TAFA2: variants seen among roughly 807,000 people sequenced by gnomAD.
The protein encoded by TAFA2 is chemokine-like protein TAFA-2.
In TAFA2, 7 loss-of-function variants were observed where a neutral mutation model predicts 18.8. The observed-to-expected ratio is 0.37, with a 90% CI of 0.21 to 0.70. TAFA2 has a LOEUF of 0.70. Ranked by LOEUF, TAFA2 falls within the 30% of genes least tolerant of loss-of-function variation. The probability of loss-of-function intolerance (pLI) is 0.53; values close to 1 mark genes in which losing one functional copy is unlikely to be tolerated. For missense variants in TAFA2, 122 were observed against 158.1 expected (o/e 0.77, Z 1.23); for synonymous variants, 60 against 54.2 (o/e 1.11, Z -0.47).
At chr12:61,804,491 G>A (rs1215278631) in intron 2 of TAFA2, among the ~76,000 whole-genome samples, 1 of 152,022 alleles carries the variant, frequency 6.6e-6, no homozygotes, top group East Asian at 1.9e-4. Flanking sequence ...CCTACTGACA[G>A]ACAAGTATGT....
intron 1 of TAFA2, among the ~76,000 whole-genome samples, chr12:62,182,338 G>A (rs1228810568): frequency 1.3e-5 from 2 of 152,186 alleles, no homozygotes; most frequent in Non-Finnish European, 2.9e-5. Flanking sequence ...AAGAGCCTAT[G>A]AGAAAAATGT....
At chr12:61,842,228 G>A (rs576096422) in intron 2 of TAFA2, among the ~76,000 whole-genome samples, 3 of 151,722 alleles carry the variant, frequency 2.0e-5, no homozygotes, top group African/African-American at 7.2e-5. Context: ...ACAAAAATAT[G>A]GTATATGGTA....
intron 1 of TAFA2, among the ~76,000 whole-genome samples, chr12:62,138,565 G>A (rs181110895): frequency 7.4e-4 from 113 of 152,262 alleles, no homozygotes; most frequent in Non-Finnish European, 1.5e-4. Context: ...TAAATAAATG[G>A]TCACTGGCAC....
intron 1 of TAFA2, among the ~76,000 whole-genome samples, chr12:62,098,040 C>A (rs1444520408): frequency 6.6e-6 from 1 of 152,094 alleles, no homozygotes; most frequent in African/African-American, 2.4e-5. Context: ...TACTTATCAG[C>A]AAGAATTTCC....
At chr12:61,748,704 T>G (rs1868854892) in intron 4 of TAFA2, among the ~76,000 whole-genome samples, 1 of 152,074 alleles carries the variant, frequency 6.6e-6, no homozygotes, top group African/African-American at 2.4e-5. Context: ...ATTTCTTTTC[T>G]TCCTTACAGT....
intron 1 of TAFA2, among the ~76,000 whole-genome samples, chr12:61,916,732 C>A (rs1876836438): frequency 6.6e-6 from 1 of 152,124 alleles, no homozygotes; most frequent in African/African-American, 2.4e-5. Flanking sequence ...ATACCTGAGC[C>A]ACGAGTCAGA....
chr12:61,730,625 T>C (rs1870398052), intron 4 of TAFA2, among the ~76,000 whole-genome samples: 1 of 151,904 alleles, frequency 6.6e-6, no homozygotes, highest in Non-Finnish European at 1.5e-5. Flanking sequence ...CTCAGGCCAA[T>C]CGATTCATGT....
chr12:61,921,349 C>T (rs1369328671), intron 1 of TAFA2, among the ~76,000 whole-genome samples: 1 of 152,128 alleles, frequency 6.6e-6, no homozygotes, highest in East Asian at 1.9e-4. Flanking sequence ...GAAGTGTCCA[C>T]TTACAGGATG....
At chr12:61,860,293 A>G (rs192271841) in intron 2 of TAFA2, among the ~76,000 whole-genome samples, 3 of 152,224 alleles carry the variant, frequency 2.0e-5, no homozygotes, top group African/African-American at 7.2e-5. Flanking sequence ...AATGAAATAC[A>G]TAATAAAAAT....
chr12:61,752,605 A>G (rs557235304), intron 4 of TAFA2, among the ~76,000 whole-genome samples: 1 of 152,090 alleles, frequency 6.6e-6, no homozygotes, highest in African/African-American at 2.4e-5. Context: ...AATTTCATGA[A>G]ATATGTTTTT....
At chr12:61,872,252 G>C (rs1381623361) in intron 1 of TAFA2, among the ~76,000 whole-genome samples, 12 of 152,084 alleles carry the variant, frequency 7.9e-5, no homozygotes, top group Non-Finnish European at 1.6e-4. Flanking sequence ...CCAACCACCT[G>C]ACCTCCCCTT....
At chr12:61,907,748 G>A (rs767834650) in intron 1 of TAFA2, among the ~76,000 whole-genome samples, 7 of 151,610 alleles carry the variant, frequency 4.6e-5, no homozygotes, top group Admixed American at 6.6e-5. Context: ...AAGCAGGCAG[G>A]AGCGGGGGAT....
intron 1 of TAFA2, among the ~76,000 whole-genome samples, chr12:62,061,499 C>T (rs348662): frequency 0.36 from 55,039 of 152,002 alleles, 10,177 homozygotes; most frequent in African/African-American, 0.42. Flanking sequence ...CGCCTAACAG[C>T]GCATTTTTTC....
chr12:61,913,909 G>T (rs1290449930), intron 1 of TAFA2, among the ~76,000 whole-genome samples: 1 of 152,120 alleles, frequency 6.6e-6, no homozygotes, highest in South Asian at 2.1e-4. Flanking sequence ...TTACAGTTTA[G>T]CTATATTCAG....
At chr12:62,053,046 C>G (rs1882097061) in intron 1 of TAFA2, among the ~76,000 whole-genome samples, 1 of 152,010 alleles carries the variant, frequency 6.6e-6, no homozygotes. Flanking sequence ...GAGCTTCAGC[C>G]AAAATATTGC....
At chr12:61,818,422 T>A (rs1872176728) in intron 2 of TAFA2, among the ~76,000 whole-genome samples, 1 of 151,946 alleles carries the variant, frequency 6.6e-6, no homozygotes, top group Non-Finnish European at 1.5e-5. Context: ...TAGTGGATTT[T>A]AAACTTTTGT....
At chr12:61,861,241 T>C (rs35406568) in intron 2 of TAFA2, among the ~76,000 whole-genome samples, 43,225 of 150,184 alleles carry the variant, frequency 0.29, 6,810 homozygotes, top group South Asian at 0.39. Context: ...CATAGGCCAC[T>C]GTGCCTGGCC....
intron 1 of TAFA2, among the ~76,000 whole-genome samples, chr12:62,077,582 C>T (rs1195774424): frequency 6.6e-6 from 1 of 152,204 alleles, no homozygotes; most frequent in Admixed American, 6.5e-5. Flanking sequence ...GGCTATGCAA[C>T]AGGTATTATA....
At chr12:62,028,741 C>T (rs1156464727) in intron 1 of TAFA2, among the ~76,000 whole-genome samples, 1 of 152,150 alleles carries the variant, frequency 6.6e-6, no homozygotes, top group Non-Finnish European at 1.5e-5. Flanking sequence ...GACTGGCCAC[C>T]TGTTGTGAGG....
Sources: allele counts gnomAD v4.1 joint callset (sites outside exome capture counted in the v4.1 genomes callset), GRCh38; gene constraint gnomAD v4.1.1; transcripts MANE v1.5; gene names NCBI Gene and HGNC (gene_info 2026-07-23, HGNC 2026-07-21).